The following RBBP6 variants were observed in gnomAD, a reference collection of about 807,000 sequenced individuals.
RBBP6 encodes RB binding protein 6, ubiquitin ligase, also known as E3 ubiquitin-protein ligase RBBP6.
RBBP6 carries 25 observed loss-of-function variants against 167.7 expected under a neutral mutation model. The observed-to-expected ratio is 0.15, with a 90% CI of 0.11 to 0.21. The LOEUF is 0.21. Ranked by LOEUF, RBBP6 falls within the 10% of genes least tolerant of loss-of-function variation. The probability of loss-of-function intolerance (pLI) is 1.00; values close to 1 mark genes in which losing one functional copy is unlikely to be tolerated. For missense variants in RBBP6, 1,868 were observed against 2,134.2 expected (o/e 0.88, Z 2.46); for synonymous variants, 789 against 735.8 (o/e 1.07, Z -1.17).
intron 7 of RBBP6, among the ~76,000 whole-genome samples, chr16:24,557,644 A>G (rs536045579): frequency 1.3e-5 from 2 of 152,206 alleles, no homozygotes; most frequent in South Asian, 4.1e-4. Flanking sequence ...CCCTGATTCT[A>G]CATTTTTAAC....
Position 24,569,769 on chromosome 16 carries a change from G to A in RBBP6, c.3079G>A (p.Ala1027Thr), listed in dbSNP as rs1211270902. 1 of 1,613,932 alleles carries A rather than the reference G, an allele frequency of 6.2e-7. No individual in the cohort carries two copies. The highest frequency in any genetic ancestry group is 2.2e-5 in the East Asian group (1 of 44,870). The change falls in exon 17 of 18, where the codon GCT becomes ACT. Residue 1027 changes from alanine to threonine, a missense_variant. By Grantham distance (58) the Ala-to-Thr change is moderately conservative (BLOSUM62 0). Around this residue, in one of 7 missense-constraint regions of RBBP6, gnomAD observed 673 missense variants for 691.5 expected, o/e 0.97. Transcript: ENST00000319715. ...DKTKRKNDGS[A>T]VSKKENIVKP... ...AACCAAACGGAAGAATGATGGATCT[G>A]CTGTGTCCAAAAAAGAAAATATTGT...
chr16:24,563,700 C>A, intron 13 of RBBP6, 36 bp downstream of exon 13: 1 of 1,586,520 alleles, frequency 6.3e-7, no homozygotes, highest in Non-Finnish European at 8.6e-7. Context: ...CAGATGATTG[C>A]CTGCAAACTA....
At chr16:24,567,049 A>C in intron 14 of RBBP6, 94 bp from the exon 15 acceptor site, 3 of 1,329,818 alleles carry the variant, frequency 2.3e-6, no homozygotes, top group Non-Finnish European at 3.1e-6. Flanking sequence ...CACTGTTTTT[A>C]AGTTTGAAAA....
At position 24,568,904 on chromosome 16, in the gene RBBP6, A is replaced by C; in HGVS notation, c.2214A>C (p.Arg738Ser). 1 of 1,614,266 alleles carries C rather than the reference A, an allele frequency of 6.2e-7. No homozygotes were observed. The part of the protein sequence containing the change: ...SRSPPYPRRG[R>S]GKSRNYRSRS... ...CACCTCCATACCCCAGAAGAGGCAG[A>C]GGCAAGAGCCGCAATTACCGTTCAC... Residue 738 changes from arginine to serine, a missense_variant, in exon 17 of 18, where the codon AGA becomes AGC. Coordinates refer to ENST00000319715, the MANE Select transcript of RBBP6 (RefSeq NM_006910.5).
At chr16:24,551,676 GA>G (rs1159725454) in intron 3 of RBBP6, among the ~76,000 whole-genome samples, 1 of 151,622 alleles carries the variant, frequency 6.6e-6, no homozygotes, top group African/African-American at 2.4e-5. Flanking sequence ...GGAGTGGGAA[GA>G]TTTTTTTTTT....
chr16:24,543,718 T>A (rs114220817), intron 1 of RBBP6, among the ~76,000 whole-genome samples: 366 of 152,318 alleles, frequency 2.4e-3, no homozygotes, highest in African/African-American at 8.3e-3. Flanking sequence ...AAGTAATCTT[T>A]GTTATATATG....
chr16:24,548,174 T>G (rs1241075274), intron 2 of RBBP6, among the ~76,000 whole-genome samples: 1 of 152,198 alleles, frequency 6.6e-6, no homozygotes, highest in African/African-American at 2.4e-5. Flanking sequence ...TCCCCTTTCC[T>G]GTGTGGATTA....
At chr16:24,548,721 A>G (rs1898726108) in intron 2 of RBBP6, among the ~76,000 whole-genome samples, 3 of 152,178 alleles carry the variant, frequency 2.0e-5, no homozygotes, top group Admixed American at 2.0e-4. Flanking sequence ...TGAATTCCCT[A>G]GTATGGAATT....
At chr16:24,548,806 G>A (rs1172731253) in intron 2 of RBBP6, 139 bp from the exon 3 acceptor site, 2 of 670,746 alleles carry the variant, frequency 3.0e-6, no homozygotes, top group Admixed American at 5.7e-5. Flanking sequence ...TATTCATTCA[G>A]AAATTGGCTG....
At chr16:24,559,718 A>AT in intron 8 of RBBP6, 41 bp downstream of exon 8, 1 of 1,462,752 alleles carries the variant, frequency 6.8e-7, no homozygotes, top group African/African-American at 1.4e-5. Flanking sequence ...ATTTTAGAAT[A>AT]TTTGTATTTA....
intron 1 of RBBP6, among the ~76,000 whole-genome samples, chr16:24,543,955 C>CCAAG (rs1298889675): frequency 7.9e-5 from 12 of 152,180 alleles, no homozygotes; most frequent in African/African-American, 2.9e-4. Context: ...CAACAGACTA[C>CCAAG]TTGTTAAGGA....
chr16:24,558,764 CA>C (rs1567275376), intron 7 of RBBP6, among the ~76,000 whole-genome samples: 2 of 152,094 alleles, frequency 1.3e-5, no homozygotes, highest in African/African-American at 4.8e-5. Flanking sequence ...TGCATTTCTA[CA>C]AAAAACTGGA....
chr16:24,552,631 C>T (rs1898823773), intron 3 of RBBP6, among the ~76,000 whole-genome samples: 2 of 151,470 alleles, frequency 1.3e-5, no homozygotes, highest in Admixed American at 1.3e-4. Flanking sequence ...ATGTTTTATT[C>T]CTCTTTGCAC....
chr16:24,540,884 T>G, intron 1 of RBBP6, 92 bp downstream of exon 1: 56 of 1,433,320 alleles, frequency 3.9e-5, no homozygotes, highest in Non-Finnish European at 4.8e-5. Flanking sequence ...ATTATGTCTC[T>G]AGTGGGGACT....
intron 4 of RBBP6, chr16:24,554,628 TTAGTA>T (rs1372002606): frequency 2.0e-5 from 3 of 152,102 alleles, no homozygotes; most frequent in African/African-American, 7.2e-5. Flanking sequence ...GCAAAGTGGT[TTAGTA>T]TAGAGTTAAC....
rs1028145147 is a variant in RBBP6, at chr16:24,564,997, T to G, written c.1589+132T>G. ...TTGTATTGTGCTTATCCCTCTTAAG[T>G]CCTGGGTAGTTGTCCTTAAAGAGGG... is the stretch of plus-strand genomic sequence containing the variant. On this transcript the variant is annotated intron_variant, in intron 14 of 17. Transcript: ENST00000319715. 8 of 1,368,450 alleles carry G rather than the reference T, an allele frequency of 5.8e-6. No individual in the cohort carries two copies. In the African/African-American group the frequency reaches 1.2e-4, roughly 20 times the overall value. 84.8% of individuals were successfully genotyped at this position (1,368,450 alleles called of 1,614,324 possible).
At chr16:24,544,173 G>A (rs1279003918) in intron 1 of RBBP6, among the ~76,000 whole-genome samples, 1 of 152,164 alleles carries the variant, frequency 6.6e-6, no homozygotes, top group African/African-American at 2.4e-5. Flanking sequence ...GCATTGAGTT[G>A]TTACATATTC....
chr16:24,563,061 A>C, intron 10 of RBBP6, 138 bp from the exon 11 acceptor site: 1 of 606,450 alleles, frequency 1.6e-6, no homozygotes, highest in East Asian at 3.1e-5. Flanking sequence ...GCCTTCTCTC[A>C]CTTTCCTCAG....
chr16:24,551,966 G>T (rs1596502988), intron 3 of RBBP6, among the ~76,000 whole-genome samples: 2 of 151,608 alleles, frequency 1.3e-5, no homozygotes, highest in South Asian at 2.1e-4. Context: ...TTATTTAGAG[G>T]TTTTTTTCTA....
Sources: gnomAD v4.1 joint callset for allele counts (sites outside exome capture counted in the v4.1 genomes callset) on GRCh38, gnomAD v4.1.1 for gene constraint, gnomAD v4.1.1 regional missense constraint, MANE v1.5 for transcripts, NCBI Gene and HGNC (gene_info 2026-07-23, HGNC 2026-07-21) for gene names.